LMBRD1: variants seen among roughly 807,000 people sequenced by gnomAD.
LMBRD1 encodes the protein lysosomal cobalamin transport escort protein LMBD1.
In LMBRD1, 64 loss-of-function variants were observed where a neutral mutation model predicts 74.8. The ratio of observed to expected loss-of-function variants is 0.86; its 90% CI spans 0.70 to 1.05. The LOEUF is 1.05. Among genes scored for constraint, LMBRD1 ranks in the 50% least tolerant of loss-of-function variants. LMBRD1 has a pLI of 0.00. For missense variants in LMBRD1, 652 were observed against 645.9 expected, an observed-to-expected ratio of 1.01 and a Z score of -0.10; for synonymous variants, 204 against 216.3, an observed-to-expected ratio of 0.94 and a Z score of 0.50.
chr6:69,751,753 T>G (rs1208172940), intron 4 of LMBRD1, among the ~76,000 whole-genome samples: 1 of 152,252 alleles, frequency 6.6e-6, no homozygotes, highest in Non-Finnish European at 1.5e-5. Context: ...TCTGTTTTAC[T>G]GGATCATAAA....
intron 14 of LMBRD1, among the ~76,000 whole-genome samples, chr6:69,688,212 T>C (rs1404854768): frequency 6.6e-6 from 1 of 152,124 alleles, no homozygotes; most frequent in Non-Finnish European, 1.5e-5. Context: ...TTTTAGTCTG[T>C]TAAAATTGGC....
intron 7 of LMBRD1, among the ~76,000 whole-genome samples, chr6:69,722,228 C>T (rs1409343806): frequency 6.6e-6 from 1 of 151,864 alleles, no homozygotes; most frequent in African/African-American, 2.4e-5. Context: ...AAAGATCTTC[C>T]CAGAGAAACA....
chr6:69,790,610 C>G (rs1024237289), intron 1 of LMBRD1, 138 bp from the exon 2 acceptor site: 1 of 801,948 alleles, frequency 1.2e-6, no homozygotes, highest in African/African-American at 1.7e-5. Context: ...CCCACTATCC[C>G]TTAAAAACTT....
intron 8 of LMBRD1, among the ~76,000 whole-genome samples, chr6:69,716,868 TTAAA>T (rs894151952): frequency 8.0e-4 from 118 of 147,712 alleles, no homozygotes; most frequent in Non-Finnish European, 9.9e-4. Context: ...ACTTTAATTA[TTAAA>T]TAAATATTTA....
chr6:69,774,572 T>C (rs1002794636), intron 3 of LMBRD1, among the ~76,000 whole-genome samples: 11 of 152,236 alleles, frequency 7.2e-5, no homozygotes, highest in South Asian at 2.1e-4. Context: ...GCAGGGGTTG[T>C]AGAAATAGGG....
chr6:69,730,746 C>T (rs892926065), intron 7 of LMBRD1, among the ~76,000 whole-genome samples: 6 of 152,004 alleles, frequency 3.9e-5, no homozygotes, highest in East Asian at 1.9e-4. Flanking sequence ...GAAGATGCAT[C>T]GGTAGTAAAG....
chr6:69,711,595 C>T (rs1458682462), intron 9 of LMBRD1, among the ~76,000 whole-genome samples: 1 of 151,802 alleles, frequency 6.6e-6, no homozygotes, highest in Non-Finnish European at 1.5e-5. Flanking sequence ...AGACAAATCA[C>T]CTTGGGGTAA....
intron 7 of LMBRD1, among the ~76,000 whole-genome samples, chr6:69,726,699 A>T (rs1288973674): frequency 6.6e-6 from 1 of 151,406 alleles, no homozygotes; most frequent in Non-Finnish European, 1.5e-5. Context: ...TCGTGGAAAC[A>T]GAGAATTGAA....
intron 6 of LMBRD1, among the ~76,000 whole-genome samples, chr6:69,740,672 T>C (rs1478526722): frequency 3.9e-5 from 6 of 152,176 alleles, no homozygotes; most frequent in African/African-American, 1.2e-4. Context: ...TCGTTTAGTA[T>C]TGTACCTGGG....
chr6:69,750,509 AC>A (rs1473856832), intron 4 of LMBRD1, among the ~76,000 whole-genome samples: 1 of 152,102 alleles, frequency 6.6e-6, no homozygotes, highest in African/African-American at 2.4e-5. Context: ...GTCAGAAATA[AC>A]ATTTGTCCTC....
chr6:69,693,667 T>C (rs573874028), intron 14 of LMBRD1, among the ~76,000 whole-genome samples: 29 of 152,104 alleles, frequency 1.9e-4, no homozygotes, highest in Non-Finnish European at 3.8e-4. Flanking sequence ...TAGTCAAATG[T>C]TGTCATGAAA....
intron 5 of LMBRD1, among the ~76,000 whole-genome samples, chr6:69,742,312 T>C (rs1767122717): frequency 6.6e-6 from 1 of 152,132 alleles, no homozygotes. Flanking sequence ...AAACAGTAAA[T>C]GTCTCACTGT....
intron 9 of LMBRD1, among the ~76,000 whole-genome samples, chr6:69,707,670 T>C (rs1419892468): frequency 6.6e-6 from 1 of 152,192 alleles, no homozygotes; most frequent in Non-Finnish European, 1.5e-5. Context: ...AATGGTGAGT[T>C]AGGTGTATTC....
At chr6:69,765,723 G>T (rs1765463088) in intron 3 of LMBRD1, among the ~76,000 whole-genome samples, 1 of 152,042 alleles carries the variant, frequency 6.6e-6, no homozygotes, top group Non-Finnish European at 1.5e-5. Flanking sequence ...TGACATAATT[G>T]CATCTTTACA....
At chr6:69,774,961 GGAAGGAAGGAAGGAAGGA>G (rs1562121600) in intron 3 of LMBRD1, among the ~76,000 whole-genome samples, 9 of 32,810 alleles carry the variant, frequency 2.7e-4, no homozygotes, top group African/African-American at 1.1e-3. Flanking sequence ...AAGGAAGGAA[GGAAGGAAGGAAGGAAGGA>G]AGGAAGGAAG....
At chr6:69,703,395 G>A (rs557855209) in intron 9 of LMBRD1, among the ~76,000 whole-genome samples, 1 of 147,224 alleles carries the variant, frequency 6.8e-6, no homozygotes, top group South Asian at 2.1e-4. Flanking sequence ...AGTAGTAGGA[G>A]AACATGATAT....
At chr6:69,681,394 A>G (rs753458736) in intron 14 of LMBRD1, among the ~76,000 whole-genome samples, 1 of 151,996 alleles carries the variant, frequency 6.6e-6, no homozygotes, top group Non-Finnish European at 1.5e-5. Context: ...TAAATTTTAT[A>G]TTATATATTT....
At chr6:69,719,176 C>T in intron 7 of LMBRD1, 95 bp from the exon 8 acceptor site, 1 of 1,184,462 alleles carries the variant, frequency 8.4e-7, no homozygotes. Flanking sequence ...TCATAAGAGT[C>T]AGCAGTTGTG....
At chr6:69,796,576 G>C (rs573246693) in intron 1 of LMBRD1, among the ~76,000 whole-genome samples, 7 of 152,082 alleles carry the variant, frequency 4.6e-5, no homozygotes, top group Middle Eastern at 3.2e-3. Flanking sequence ...CTTCCAAAAA[G>C]GACCCTGCAA....
Sources: allele counts gnomAD v4.1 joint callset (sites outside exome capture counted in the v4.1 genomes callset), GRCh38; gene constraint gnomAD v4.1.1; transcripts MANE v1.5; gene names NCBI Gene and HGNC (gene_info 2026-07-23, HGNC 2026-07-21).